Variants in RAB4A observed in about 807,000 individuals in gnomAD.
RAB4A encodes the protein RAB4A, member RAS oncogene family, also known as ras-related protein Rab-4A.
RAB4A carries 20 observed loss-of-function variants against 34.5 expected under a neutral mutation model. The observed-to-expected ratio is 0.58, with a 90% CI of 0.41 to 0.84. The LOEUF (loss-of-function observed/expected upper bound fraction) is 0.84, where lower values mean the gene tolerates loss of function less well. RAB4A is among the 40% of genes least tolerant of loss of function. The probability of loss-of-function intolerance (pLI) is 0.00; values close to 1 mark genes in which losing one functional copy is unlikely to be tolerated. For missense variants in RAB4A, 228 were observed against 274.5 expected, an observed-to-expected ratio of 0.83 and a Z score of 1.20; for synonymous variants, 102 against 100.0, an observed-to-expected ratio of 1.02 and a Z score of -0.12.
At chr1:229,297,435 A>G (rs1361201898) in intron 4 of RAB4A, 47 bp from the exon 5 acceptor site, 3 of 1,530,044 alleles carry the variant, frequency 2.0e-6, no homozygotes, top group Non-Finnish European at 2.6e-6. Flanking sequence ...AAGAGTTGCT[A>G]GTTTTATAAA....
At chr1:229,283,236 C>G (rs1656822878) in intron 1 of RAB4A, among the ~76,000 whole-genome samples, 1 of 152,218 alleles carries the variant, frequency 6.6e-6, no homozygotes, top group South Asian at 2.1e-4. Flanking sequence ...TCCCTGGTGA[C>G]CTCCACTGAC....
At chr1:229,287,577 C>A (rs1396918335) in intron 2 of RAB4A, among the ~76,000 whole-genome samples, 5 of 152,158 alleles carry the variant, frequency 3.3e-5, no homozygotes, top group Non-Finnish European at 7.3e-5. Flanking sequence ...TCAGAGAACT[C>A]CCCTGCATGG....
At position 229,297,550 on chromosome 1, in the gene RAB4A, T is replaced by C; in HGVS notation, c.359T>C (p.Val120Ala). 6.2e-7 allele frequency: 1 copy of C among 1,613,448 alleles called. No individual in the cohort carries two copies. The highest frequency in any genetic ancestry group is 8.5e-7 in the Non-Finnish European group (1 of 1,179,978). ...DARMLASQNIVIILCGNKKDL... is the reference protein window; with the variant it reads ...DARMLASQNIAIILCGNKKDL... ...CGAATGCTAGCGAGCCAGAACATTG[T>C]GATCATCCTTTGTGGAAACAAGAAG... The change falls in exon 5 of 8, where the codon GTG becomes GCG. Residue 120 changes from valine (V) to alanine (A), a missense_variant. Transcript: ENST00000366690.
Position 229,296,716 on chromosome 1 carries a change from G to A in RAB4A, c.291-766G>A, listed in dbSNP as rs148581135. Among the ~76,000 whole-genome samples, 616 of 152,278 alleles carry A rather than the reference G, an allele frequency of 4.0e-3. 5 individuals carry two copies. Among genetic ancestry groups the A allele is most frequent in the Non-Finnish European group, 6.6e-3 (451 of 68,022 alleles). ...AGTGAGAGGATGTCACTCAGCAGCC[G>A]CTTCCCTCTTCCAATCTGTGTCCCG... On this transcript the variant is annotated intron_variant, in intron 4 of 7. Transcript: ENST00000366690.
chr1:229,273,816 C>A (rs956031248), intron 1 of RAB4A, among the ~76,000 whole-genome samples: 1 of 152,164 alleles, frequency 6.6e-6, no homozygotes, highest in African/African-American at 2.4e-5. Flanking sequence ...TCACCTAGAA[C>A]CAAGTCCTAG....
Position 229,277,181 on chromosome 1 carries a change from C to T in RAB4A, c.31+5811C>T, listed in dbSNP as rs1046354587. 2.7e-5 allele frequency among the ~76,000 whole-genome samples: 4 copies of T among 150,560 alleles called. 1 individual carries two copies. Among genetic ancestry groups the T allele is most frequent in the Admixed American group, 1.3e-4 (2 of 15,170 alleles). On this transcript the variant is annotated intron_variant, in intron 1 of 7. Transcript: ENST00000366690. Reference sequence around the variant, plus strand: ...GCCTCCTCAGTGTGTGTGATCCCAACGAATGGGTCAGGAAAATCAAAGACC... The same window carrying T: ...GCCTCCTCAGTGTGTGTGATCCCAATGAATGGGTCAGGAAAATCAAAGACC...
chr1:229,289,670 G>T (rs565527858), intron 3 of RAB4A, among the ~76,000 whole-genome samples: 1 of 152,244 alleles, frequency 6.6e-6, no homozygotes, highest in South Asian at 2.1e-4. Context: ...AAAAAAATTA[G>T]CCGGGCGTGG....
intron 1 of RAB4A, among the ~76,000 whole-genome samples, chr1:229,283,917 A>G (rs894983001): frequency 1.5e-4 from 21 of 142,458 alleles, no homozygotes; most frequent in African/African-American, 5.1e-4. Flanking sequence ...ATTATTTTTA[A>G]TAGAGACATG....
intron 3 of RAB4A, among the ~76,000 whole-genome samples, chr1:229,294,319 A>G (rs1657177782): frequency 6.6e-6 from 1 of 152,254 alleles, no homozygotes; most frequent in African/African-American, 2.4e-5. Context: ...CCAGCAGGGC[A>G]GATTCAGAAG....
chr1:229,301,439 A>C (rs144631856), intron 6 of RAB4A, among the ~76,000 whole-genome samples: 3 of 152,308 alleles, frequency 2.0e-5, no homozygotes, highest in Non-Finnish European at 4.4e-5. Context: ...TCAGAAAGAA[A>C]AAAAAATTAC....
intron 3 of RAB4A, among the ~76,000 whole-genome samples, chr1:229,294,238 A>G (rs1657175481): frequency 6.6e-6 from 1 of 152,178 alleles, no homozygotes. Flanking sequence ...CAGCACTTGG[A>G]TCTGAGCTGG....
rs776602794 is a variant in RAB4A at position 229,305,325 on chromosome 1, G to A, written c.*1532G>A. 5.7e-6 allele frequency: 9 copies of A among 1,570,744 alleles called. No homozygotes were observed. Among genetic ancestry groups the A allele is most frequent in the Non-Finnish European group, 6.9e-6 (8 of 1,161,752 alleles). On this transcript the variant is annotated 3_prime_UTR_variant, in exon 8 of 8. Coordinates refer to ENST00000366690, the MANE Select transcript of RAB4A (RefSeq NM_004578.4). Reference sequence around the variant, plus strand: ...ATAGATTTGCAAGCTGCTCATTTTTGAACAGCTTTTTGCATGGGATAGGAG... The same window carrying A: ...ATAGATTTGCAAGCTGCTCATTTTTAAACAGCTTTTTGCATGGGATAGGAG...
intron 6 of RAB4A, among the ~76,000 whole-genome samples, chr1:229,300,985 G>C (rs1657373433): frequency 6.6e-6 from 1 of 152,144 alleles, no homozygotes. Flanking sequence ...GCAAATCAAA[G>C]GAGTGTTCAT....
intron 7 of RAB4A, among the ~76,000 whole-genome samples, chr1:229,303,506 T>G (rs745317272): frequency 1.3e-5 from 2 of 152,226 alleles, no homozygotes; most frequent in Non-Finnish European, 2.9e-5. Flanking sequence ...TGAGATATCC[T>G]GATTCCTTAT....
chr1:229,281,315 G>C (rs1159406461), intron 1 of RAB4A, among the ~76,000 whole-genome samples: 2 of 152,012 alleles, frequency 1.3e-5, no homozygotes, highest in Non-Finnish European at 2.9e-5. Context: ...ACAGCTGTTT[G>C]GCATATACAC....
chr1:229,277,037 C>T (rs924945127), intron 1 of RAB4A, among the ~76,000 whole-genome samples: 1 of 145,892 alleles, frequency 6.9e-6, no homozygotes, highest in African/African-American at 2.5e-5. Flanking sequence ...AAATTATTTA[C>T]AATTTATATA....
chr1:229,277,276 C>T (rs1189155015), intron 1 of RAB4A, among the ~76,000 whole-genome samples: 4 of 150,828 alleles, frequency 2.7e-5, no homozygotes, highest in Admixed American at 6.6e-5. Context: ...GTCAGGATTC[C>T]GCTGTGCCGA....
intron 3 of RAB4A, among the ~76,000 whole-genome samples, chr1:229,291,512 A>G (rs916439167): frequency 6.6e-6 from 1 of 152,220 alleles, no homozygotes; most frequent in Non-Finnish European, 1.5e-5. Flanking sequence ...CAGAGCGGGG[A>G]AGAAACAGCT....
chr1:229,294,246 T>C (rs1657175632), intron 3 of RAB4A, among the ~76,000 whole-genome samples: 1 of 152,168 alleles, frequency 6.6e-6, no homozygotes, highest in Admixed American at 6.5e-5. Context: ...GGATCTGAGC[T>C]GGAGACAAAA....
Sources: gnomAD v4.1 joint callset for allele counts (sites outside exome capture counted in the v4.1 genomes callset) on GRCh38, gnomAD v4.1.1 for gene constraint, MANE v1.5 for transcripts, NCBI Gene and HGNC (gene_info 2026-07-23, HGNC 2026-07-21) for gene names.